Variants in PIP5K1B observed in about 807,000 individuals in gnomAD.
PIP5K1B encodes phosphatidylinositol 4-phosphate 5-kinase type-1 beta.
A neutral mutation model predicts 67.0 loss-of-function variants in PIP5K1B; 42 were observed. That is an observed-to-expected ratio of 0.63 (90% CI 0.49 to 0.81). The LOEUF is 0.81. PIP5K1B is among the 30% of genes least tolerant of loss of function. The pLI is 0.00. For synonymous variants in PIP5K1B, 214 were observed against 231.4 expected (o/e 0.92, Z 0.68); for missense variants, 459 against 646.3 (o/e 0.71, Z 3.14).
chr9:68,994,112 C>T (rs1267230356), intron 15 of PIP5K1B, among the ~76,000 whole-genome samples: 1 of 146,286 alleles, frequency 6.8e-6, no homozygotes, highest in Non-Finnish European at 1.5e-5. Flanking sequence ...GCGATCTCGA[C>T]TCACTGCAAC....
chr9:68,871,277 T>G (rs1823615349), intron 5 of PIP5K1B, among the ~76,000 whole-genome samples: 1 of 152,178 alleles, frequency 6.6e-6, no homozygotes, highest in African/African-American at 2.4e-5. Context: ...CAGAGGAACG[T>G]CAAGTCTAAG....
chr9:68,983,090 G>A (rs1829955155), intron 14 of PIP5K1B, among the ~76,000 whole-genome samples: 1 of 152,152 alleles, frequency 6.6e-6, no homozygotes, highest in South Asian at 2.1e-4. Flanking sequence ...GTGTTAAACT[G>A]AAATATTTTT....
intron 2 of PIP5K1B, among the ~76,000 whole-genome samples, chr9:68,807,497 C>T (rs569799233): frequency 6.6e-6 from 1 of 152,322 alleles, no homozygotes; most frequent in South Asian, 2.1e-4. Context: ...GACTTCCCCA[C>T]AGGCACAGAG....
chr9:68,777,538 A>C (rs1211106382), intron 2 of PIP5K1B, among the ~76,000 whole-genome samples: 1 of 152,214 alleles, frequency 6.6e-6, no homozygotes, highest in Non-Finnish European at 1.5e-5. Flanking sequence ...CCAGGACCTG[A>C]AAGCACTGAA....
chr9:68,789,644 G>T, intron 2 of PIP5K1B: 1 of 341,284 alleles, frequency 2.9e-6, no homozygotes, highest in South Asian at 2.7e-5. Context: ...CTCCAGAGGA[G>T]TTGATCAAGA....
intron 4 of PIP5K1B, among the ~76,000 whole-genome samples, chr9:68,861,282 G>A: frequency 1.4e-5 from 1 of 71,192 alleles, no homozygotes; most frequent in East Asian, 3.5e-4. Flanking sequence ...CACCAGAGGA[G>A]AAAGATTTTT....
chr9:68,713,980 G>A (rs1827516314), intron 1 of PIP5K1B, among the ~76,000 whole-genome samples: 1 of 152,244 alleles, frequency 6.6e-6, no homozygotes, highest in African/African-American at 2.4e-5. Context: ...ACCAGTAAGG[G>A]ATGGCACAAA....
intron 2 of PIP5K1B, chr9:68,789,363 C>A: frequency 2.6e-6 from 1 of 389,914 alleles, no homozygotes; most frequent in Non-Finnish European, 4.9e-6. Context: ...TCACATTGTC[C>A]TTCATCACTA....
At chr9:68,811,588 T>A (rs1833170459) in intron 2 of PIP5K1B, among the ~76,000 whole-genome samples, 1 of 152,176 alleles carries the variant, frequency 6.6e-6, no homozygotes. Context: ...CCCGTCCTGA[T>A]GTTCTGACCC....
chr9:68,986,308 C>T (rs1830093945), intron 14 of PIP5K1B, among the ~76,000 whole-genome samples: 1 of 152,180 alleles, frequency 6.6e-6, no homozygotes, highest in African/African-American at 2.4e-5. Flanking sequence ...AGTGGTATCT[C>T]ACTATAGTTT....
At chr9:68,762,444 G>A (rs1830228030) in intron 2 of PIP5K1B, among the ~76,000 whole-genome samples, 1 of 152,158 alleles carries the variant, frequency 6.6e-6, no homozygotes, top group African/African-American at 2.4e-5. Context: ...GGGTAGATTT[G>A]TTATGTGTAG....
intron 12 of PIP5K1B, among the ~76,000 whole-genome samples, chr9:68,930,155 G>A (rs1826919303): frequency 6.6e-6 from 1 of 152,106 alleles, no homozygotes; most frequent in African/African-American, 2.4e-5. Context: ...TTGCTCCTCA[G>A]GGTCCAGGCT....
chr9:68,830,164 T>TC (rs142484758), intron 4 of PIP5K1B, among the ~76,000 whole-genome samples: 4,552 of 152,264 alleles, frequency 0.03, 241 homozygotes, highest in African/African-American at 0.1. Flanking sequence ...GTTGTGTTTT[T>TC]AAAAATTAAG....
intron 15 of PIP5K1B, among the ~76,000 whole-genome samples, chr9:68,994,075 T>C (rs966728013): frequency 2.9e-5 from 4 of 136,584 alleles, no homozygotes; most frequent in African/African-American, 7.9e-5. Flanking sequence ...AATTTCACTC[T>C]TGTCGCCCAG....
intron 1 of PIP5K1B, among the ~76,000 whole-genome samples, chr9:68,737,476 C>G (rs1234811883): frequency 6.6e-6 from 1 of 152,044 alleles, no homozygotes; most frequent in African/African-American, 2.4e-5. Flanking sequence ...AAGTGATTTC[C>G]AAAATTAAAA....
At chr9:68,970,162 A>T (rs913414508) in intron 14 of PIP5K1B, among the ~76,000 whole-genome samples, 5 of 152,184 alleles carry the variant, frequency 3.3e-5, no homozygotes, top group Non-Finnish European at 7.3e-5. Context: ...TTCCATTGAC[A>T]TGTTCTTAAA....
At chr9:68,868,961 A>G (rs1823492085) in intron 5 of PIP5K1B, among the ~76,000 whole-genome samples, 1 of 152,262 alleles carries the variant, frequency 6.6e-6, no homozygotes. Flanking sequence ...ATTCCAAGAA[A>G]CTACGGCAAG....
chr9:68,982,527 T>A (rs1048367660), intron 14 of PIP5K1B, among the ~76,000 whole-genome samples: 1 of 151,968 alleles, frequency 6.6e-6, no homozygotes, highest in Non-Finnish European at 1.5e-5. Context: ...GAGGCTGAGG[T>A]GGGTGGATCG....
intron 14 of PIP5K1B, among the ~76,000 whole-genome samples, chr9:68,989,340 G>T (rs1830255121): frequency 6.6e-6 from 1 of 152,030 alleles, no homozygotes; most frequent in South Asian, 2.1e-4. Flanking sequence ...GCCTTTAGAT[G>T]GGGAGTTTTC....
Sources: allele counts gnomAD v4.1 joint callset (sites outside exome capture counted in the v4.1 genomes callset), GRCh38; gene constraint gnomAD v4.1.1; transcripts MANE v1.5; gene names NCBI Gene and HGNC (gene_info 2026-07-23, HGNC 2026-07-21).